ABCA8: variants seen among roughly 807,000 people sequenced by gnomAD.
ABCA8 encodes ABC-type organic anion transporter ABCA8.
In ABCA8, 177 loss-of-function variants were observed where a neutral mutation model predicts 192.3. The ratio of observed to expected loss-of-function variants is 0.92; its 90% confidence interval spans 0.81 to 1.04. The LOEUF (loss-of-function observed/expected upper bound fraction) is 1.04, where lower values mean the gene tolerates loss of function less well. Ranked by LOEUF, ABCA8 falls within the 50% of genes least tolerant of loss-of-function variation. The pLI is 0.00. For missense variants in ABCA8, 1,915 were observed against 1,904.8 expected (o/e 1.01, Z -0.10); for synonymous variants, 642 against 690.2 (o/e 0.93, Z 1.09).
chr17:68,925,958 A>C (rs1196235497), intron 10 of ABCA8, among the ~76,000 whole-genome samples: 2 of 152,216 alleles, frequency 1.3e-5, no homozygotes, highest in African/African-American at 4.8e-5. Flanking sequence ...GGATGAAATA[A>C]ATTTTCTAGT....
In ABCA8 at chr17:68,911,482, C is replaced by T. The variant is rs143200135; in HGVS notation, c.2139-3603G>A. Among the ~76,000 whole-genome samples the T allele has an allele frequency of 6.6e-6, 1 of 152,190 alleles. No individual in the cohort carries two copies. The highest frequency in any genetic ancestry group is 1.5e-5 in the Non-Finnish European group (1 of 67,990). The stretch of plus-strand genomic sequence containing the variant: ...AGGTCCTTCCTCCCAGAAGGCATTT[C>T]TGGACCCACCCTGGGCCAGTGGGAA... On this transcript the variant is annotated intron_variant, in intron 17 of 39. Transcript: ENST00000586539. This position sits in a 1 kb window ranked among gnomAD's most constrained non-coding sequence, Gnocchi z 5.7.
intron 17 of ABCA8, among the ~76,000 whole-genome samples, chr17:68,912,666 A>G (rs1352927255): frequency 6.6e-6 from 1 of 152,216 alleles, no homozygotes. Flanking sequence ...CTATATAATG[A>G]TAAAAGGGTC....
rs28568755 is a variant in ABCA8 at position 68,942,151 on chromosome 17, T to C, written c.-5-112A>G. On this transcript the variant is annotated intron_variant, in intron 2 of 39. Coordinates refer to ENST00000586539, the MANE Select transcript of ABCA8 (RefSeq NM_001288985.2). ...CTAATACTCCAATGTTCCAAATGAG[T>C]GCAAAGAGTCTGAGTGTTCCCAAGT... The C allele has an allele frequency of 5.8e-4, 426 of 739,666 alleles. No individual in the cohort carries two copies. In the African/African-American group the frequency reaches 6.6e-3, roughly 11 times the overall value. 45.8% of individuals were successfully genotyped at this position (739,666 alleles called of 1,614,324 possible).
chr17:68,917,502 C>A, intron 16 of ABCA8, 51 bp from the exon 17 acceptor site: 1 of 1,350,044 alleles, frequency 7.4e-7, no homozygotes, highest in Non-Finnish European at 1.0e-6. Flanking sequence ...GTGGCCCATC[C>A]ATTTCCAAGA....
intron 14 of ABCA8, among the ~76,000 whole-genome samples, chr17:68,918,945 A>AAAAAAAAAAAG: frequency 1.3e-5 from 2 of 151,270 alleles, no homozygotes; most frequent in African/African-American, 4.9e-5. Flanking sequence ...AAAAAAAAAA[A>AAAAAAAAAAAG]AAAAAAAAAA....
intron 37 of ABCA8, among the ~76,000 whole-genome samples, chr17:68,870,916 C>A (rs2066032637): frequency 6.6e-6 from 1 of 152,076 alleles, no homozygotes; most frequent in Admixed American, 6.6e-5. Context: ...TGAGAATCTA[C>A]CATATTGCTT....
chr17:68,952,169 T>C (rs1231429285), intron 1 of ABCA8, among the ~76,000 whole-genome samples: 1 of 152,192 alleles, frequency 6.6e-6, no homozygotes, highest in East Asian at 1.9e-4. Flanking sequence ...AAATGCCTTC[T>C]AGTTATTTTA....
In ABCA8 at chr17:68,868,328, G is replaced by A. The variant is rs2065967054; in HGVS notation, c.4740C>T (p.Tyr1580=). Residue 1580 remains tyrosine (Y), a synonymous_variant, in exon 39 of 40, where the codon TAC becomes TAT. Coordinates refer to ENST00000586539, the MANE Select transcript of ABCA8 (RefSeq NM_001288985.2). ...GCTCCAGGGTAGACTGTGAGAGGCT[G>A]TACTCCTCTAGGTCAAAGCTCTGTT... ...KVKQSFDLEE[Y]SLSQSTLEQV... is the part of the protein sequence containing the mutation. The A allele has an allele frequency of 1.2e-6, 2 of 1,613,706 alleles. No homozygotes were observed. Among genetic ancestry groups the A allele is most frequent in the Non-Finnish European group, 8.5e-7 (1 of 1,179,698 alleles).
chr17:68,921,280 A>C (rs1251195758), intron 13 of ABCA8, 102 bp downstream of exon 13: 2 of 634,890 alleles, frequency 3.2e-6, no homozygotes, highest in Non-Finnish European at 5.2e-6. Flanking sequence ...CAGCACACCA[A>C]CATGGCACAT....
rs766119370 is a variant in ABCA8, at chr17:68,907,803, A to G, written c.2215T>C (p.Ser739Pro). 3.1e-6 allele frequency: 5 copies of G among 1,609,614 alleles called. No individual in the cohort carries two copies. The highest frequency in any genetic ancestry group is 3.4e-5 in the Admixed American group (2 of 59,564). ...VKQHIPDAKL[S>P]AKSEGKLIYT... ...ATAAGTTTTCCTTCGCTTTTGGCTGATAATTTGGCATCAGGGATGTGCTGT... is the reference window on the plus strand; with the variant it reads ...ATAAGTTTTCCTTCGCTTTTGGCTGGTAATTTGGCATCAGGGATGTGCTGT... The change falls in exon 18 of 40, where the codon TCA (serine) becomes CCA (proline). Residue 739 changes from serine to proline, a missense_variant. Ser to Pro is a moderately conservative substitution (Grantham distance 74). Coordinates refer to ENST00000586539, the MANE Select transcript of ABCA8 (RefSeq NM_001288985.2).
intron 32 of ABCA8, chr17:68,880,378 C>G (rs965006117): frequency 6.6e-6 from 1 of 152,152 alleles, no homozygotes; most frequent in Non-Finnish European, 1.5e-5. Flanking sequence ...CTCATTCTTC[C>G]TGGACATGGG....
chr17:68,926,865 AT>A (rs780229569), intron 10 of ABCA8, among the ~76,000 whole-genome samples: 4 of 152,106 alleles, frequency 2.6e-5, no homozygotes, highest in Non-Finnish European at 5.9e-5. Context: ...GTGTGTATTC[AT>A]TGCTTTTTGA....
At position 68,875,731 on chromosome 17, in the gene ABCA8, T is replaced by G. The variant is rs1384166952; in HGVS notation, c.4373A>C (p.Gln1458Pro). 2 of 1,611,920 alleles carry G rather than the reference T, an allele frequency of 1.2e-6. No homozygotes were observed. Among genetic ancestry groups the G allele is most frequent in the Non-Finnish European group, 1.7e-6 (2 of 1,179,336 alleles). Reference protein sequence around the residue: ...MDPEGQQQMWQAIRATFRNTE... With the variant: ...MDPEGQQQMWPAIRATFRNTE... Reference sequence around the variant, plus strand: ...GTTTCTAAAGGTGGCCCGGATGGCCTGCCTATAATGTCAAGAGATTATTTG... The same window carrying G: ...GTTTCTAAAGGTGGCCCGGATGGCCGGCCTATAATGTCAAGAGATTATTTG... Residue 1458 changes from glutamine to proline, a missense_variant and splice_region_variant, in exon 36 of 40, where the codon CAG becomes CCG. Physicochemically the swap from Gln to Pro is moderately conservative, Grantham distance 76. Transcript: ENST00000586539.
intron 4 of ABCA8, 126 bp downstream of exon 4, chr17:68,940,632 T>G (rs1035293001): frequency 3.7e-6 from 3 of 815,744 alleles, no homozygotes; most frequent in Non-Finnish European, 5.8e-6. Context: ...GGAAGACACA[T>G]TCCCAATTCA....
chr17:68,897,373 C>T (rs66600020), intron 21 of ABCA8, among the ~76,000 whole-genome samples: 63,967 of 151,918 alleles, frequency 0.42, 14,049 homozygotes, highest in East Asian at 0.56. Flanking sequence ...TCAAGACAAG[C>T]TGGGGGTCAT....
intron 9 of ABCA8, 151 bp from the exon 10 acceptor site, chr17:68,928,214 C>T: frequency 1.7e-6 from 1 of 574,544 alleles, no homozygotes; most frequent in East Asian, 3.4e-5. Flanking sequence ...GTTCTCAAAT[C>T]TATGCCTTGG....
Position 68,921,459 on chromosome 17 carries a change from GTGA to G in ABCA8, c.1532_1534del (p.Ile511del). On this transcript the variant is annotated inframe_deletion, in exon 13 of 40. Transcript: ENST00000586539. ...AGCTCCACTGTGACCAAGTATTGCA[GTGA>G]TTTGGCCTTCGTAAATGTCAAATAC... 2 of 1,608,544 alleles carry G rather than the reference GTGA, an allele frequency of 1.2e-6. No individual in the cohort carries two copies. Among genetic ancestry groups the G allele is most frequent in the Non-Finnish European group, 1.7e-6 (2 of 1,176,526 alleles).
chr17:68,877,432 C>T, intron 33 of ABCA8, 87 bp downstream of exon 33: 1 of 1,299,366 alleles, frequency 7.7e-7, no homozygotes, highest in East Asian at 2.5e-5. Context: ...TTAGAGTCTC[C>T]CATCCTGAAT....
chr17:68,935,408 C>A (rs371488925), intron 5 of ABCA8, among the ~76,000 whole-genome samples: 13 of 151,410 alleles, frequency 8.6e-5, no homozygotes, highest in African/African-American at 3.2e-4. Context: ...TGAGCCACCA[C>A]GCCCGGCCAC....
Sources: gnomAD v4.1 joint callset for allele counts (sites outside exome capture counted in the v4.1 genomes callset) on GRCh38, gnomAD v4.1.1 for gene constraint, Gnocchi (gnomAD v3.1) non-coding constraint, MANE v1.5 for transcripts, NCBI Gene and HGNC (gene_info 2026-07-23, HGNC 2026-07-21) for gene names.